PSMF1: variants seen among roughly 807,000 people sequenced by gnomAD.
The protein encoded by PSMF1 is proteasome inhibitor subunit 1.
In PSMF1, 30 loss-of-function variants were observed where a neutral mutation model predicts 29.3. The observed-to-expected ratio is 1.02, with a 90% confidence interval of 0.77 to 1.39. The LOEUF (loss-of-function observed/expected upper bound fraction) is 1.39. PSMF1 is among the 40% of genes most tolerant of loss of function. PSMF1 has a pLI of 0.00. For missense variants in PSMF1, 344 were observed against 357.5 expected (o/e 0.96, Z 0.31); for synonymous variants, 134 against 139.7 (o/e 0.96, Z 0.29).
At chr20:1,121,100 A>C (rs1480307828) in intron 1 of PSMF1, among the ~76,000 whole-genome samples, 1 of 152,098 alleles carries the variant, frequency 6.6e-6, no homozygotes, top group Non-Finnish European at 1.5e-5. Context: ...GATGAAATGT[A>C]CAGAAAGAAT....
At chr20:1,117,103 C>T (rs897736673), upstream of PSMF1, among the ~76,000 whole-genome samples, 7 of 152,098 alleles carry the variant, frequency 4.6e-5, no homozygotes, top group Middle Eastern at 3.2e-3. Context: ...AGTCAACTAG[C>T]TTTGCTGTTG....
intron 3 of PSMF1, among the ~76,000 whole-genome samples, chr20:1,131,032 C>T (rs930457200): frequency 1.3e-5 from 2 of 152,060 alleles, no homozygotes; most frequent in East Asian, 1.9e-4. Context: ...CAGAATGCTG[C>T]GCCTCTGAGG....
At chr20:1,139,263 G>A (rs750998622) in intron 4 of PSMF1, among the ~76,000 whole-genome samples, 13 of 152,186 alleles carry the variant, frequency 8.5e-5, no homozygotes, top group Admixed American at 1.3e-4. Flanking sequence ...AAAGCTCACA[G>A]CTGACATTCT....
intron 4 of PSMF1, among the ~76,000 whole-genome samples, chr20:1,156,888 G>T (rs944276054): frequency 2.0e-5 from 3 of 152,134 alleles, no homozygotes; most frequent in Non-Finnish European, 4.4e-5. Context: ...TCTAAAATAG[G>T]TTTCATAGTT....
At position 1,163,686 on chromosome 20, in the gene PSMF1, T is replaced by C. The variant is rs901316825; in HGVS notation, c.605+503T>C. On this transcript the variant is annotated intron_variant, in intron 5 of 6. Coordinates refer to ENST00000335877, the MANE Select transcript of PSMF1 (RefSeq NM_006814.5). This position sits in a 1 kb window ranked among gnomAD's most constrained non-coding sequence, Gnocchi z 6.1. Reference sequence around the variant, plus strand: ...ACTTCAGCATCTCATTTGTAGACAGTGGGGATATCACTTAAGTCTGCAGTG... The same window carrying C: ...ACTTCAGCATCTCATTTGTAGACAGCGGGGATATCACTTAAGTCTGCAGTG... 6.6e-6 allele frequency among the ~76,000 whole-genome samples: 1 copy of C among 152,128 alleles called. No individual in the cohort carries two copies. Among genetic ancestry groups the C allele is most frequent in the Non-Finnish European group, 1.5e-5 (1 of 68,018 alleles).
At chr20:1,130,751 C>G (rs1307629430) in intron 3 of PSMF1, among the ~76,000 whole-genome samples, 2 of 152,194 alleles carry the variant, frequency 1.3e-5, no homozygotes, top group Non-Finnish European at 2.9e-5. Context: ...TCAAGTGACC[C>G]TCCCACCTGA....
rs952434221 is a variant in PSMF1 at position 1,167,583 on chromosome 20, A to C, written c.*2503A>C. On this transcript the variant is annotated 3_prime_UTR_variant, in exon 7 of 7. Transcript: ENST00000335877. ...AAAGATTTTTTTTTTTTTTCTGGAC[A>C]GTTCTCATAAGTGGAATCACTCAGT... 13 of 151,058 alleles carry C rather than the reference A, an allele frequency of 8.6e-5. No individual in the cohort carries two copies. The highest frequency in any genetic ancestry group is 3.2e-4 in the African/African-American group (13 of 40,986). 9.4% of individuals were successfully genotyped at this position (151,058 alleles called of 1,614,324 possible).
intron 4 of PSMF1, chr20:1,160,664 T>C (rs2086655188): frequency 5.9e-6 from 3 of 505,694 alleles, no homozygotes; most frequent in South Asian, 4.5e-5. Flanking sequence ...ACGACGCCCC[T>C]GGAACCATGT....
At chr20:1,116,632 G>T (rs1334052073), upstream of PSMF1, among the ~76,000 whole-genome samples, 2 of 152,196 alleles carry the variant, frequency 1.3e-5, no homozygotes, top group East Asian at 3.8e-4. Context: ...AGTATAGATT[G>T]ATCCCAGAAG....
intron 3 of PSMF1, among the ~76,000 whole-genome samples, chr20:1,132,960 G>T (rs2086249399): frequency 8.8e-6 from 1 of 113,516 alleles, no homozygotes. Flanking sequence ...AGGTGTTTAG[G>T]GTTTTTTTGT....
chr20:1,130,129 G>A (rs2284374), intron 3 of PSMF1, among the ~76,000 whole-genome samples: 32,152 of 152,156 alleles, frequency 0.21, 3,602 homozygotes, highest in South Asian at 0.27. Flanking sequence ...CAAATTTGTA[G>A]AGACAGACAG....
chr20:1,145,784 GAGA>G (rs1302243123), intron 4 of PSMF1, among the ~76,000 whole-genome samples: 1 of 152,164 alleles, frequency 6.6e-6, no homozygotes, highest in South Asian at 2.1e-4. Context: ...CCCAGAAAAT[GAGA>G]AGGATACCAG....
At chr20:1,161,585 GT>G in intron 4 of PSMF1, 1 of 640,956 alleles carries the variant, frequency 1.6e-6, no homozygotes, top group Non-Finnish European at 2.9e-6. Context: ...CAAGTACTCC[GT>G]GTGGATCAGC....
At chr20:1,128,362 T>C (rs985641670) in intron 3 of PSMF1, among the ~76,000 whole-genome samples, 4 of 152,242 alleles carry the variant, frequency 2.6e-5, no homozygotes, top group South Asian at 2.1e-4. Context: ...TCTTATTCCA[T>C]ACTTATATCT....
At chr20:1,156,991 C>G (rs1419338383) in intron 4 of PSMF1, among the ~76,000 whole-genome samples, 1 of 152,146 alleles carries the variant, frequency 6.6e-6, no homozygotes, top group Admixed American at 6.5e-5. Context: ...TATACGATCA[C>G]AAGGTCCCAC....
At chr20:1,136,399 T>A (rs1387881475) in intron 4 of PSMF1, among the ~76,000 whole-genome samples, 1 of 152,184 alleles carries the variant, frequency 6.6e-6, no homozygotes, top group African/African-American at 2.4e-5. Context: ...GATTTAAGAA[T>A]AAGCCCTGGT....
At position 1,125,518 on chromosome 20, in the gene PSMF1, G is replaced by A. The variant is rs1381467756; in HGVS notation, c.150G>A (p.Lys50=). ...CCCAGCCGGGTCCCAATGATAAGAA[G>A]TCAGAACTGCTGCCAGCTGGGTGGA... ...VGDQPGPNDK[K]SELLPAGWNN... Residue 50 remains lysine, a synonymous_variant, in exon 2 of 7, where the codon AAG becomes AAA. Coordinates refer to ENST00000335877, the MANE Select transcript of PSMF1 (RefSeq NM_006814.5). 1.2e-6 allele frequency: 2 copies of A among 1,611,726 alleles called. No homozygotes were observed. The highest frequency in any genetic ancestry group is 8.5e-7 in the Non-Finnish European group (1 of 1,178,806).
rs2086721064 is a variant in PSMF1 at position 1,165,688 on chromosome 20, A to G, written c.*608A>G. The G allele has an allele frequency of 1.0e-6, 1 of 999,636 alleles. No individual in the cohort carries two copies. Among genetic ancestry groups the G allele is most frequent in the South Asian group, 4.4e-5 (1 of 22,902 alleles). The allele number at this position is 999,636 out of a possible 1,614,324, so 61.9% of individuals were successfully genotyped here. A position where few individuals can be genotyped will look rare whatever the true frequency, so the allele number is the denominator to read the frequency against. On this transcript the variant is annotated 3_prime_UTR_variant, in exon 7 of 7. Transcript: ENST00000335877. ...ATGGAAATGAGTGACTGGAAATCCC[A>G]TAGGCCACAAGAATGACTTTCACAA...
At chr20:1,127,152 G>A (rs2086168298) in intron 2 of PSMF1, among the ~76,000 whole-genome samples, 1 of 152,172 alleles carries the variant, frequency 6.6e-6, no homozygotes, top group Non-Finnish European at 1.5e-5. Context: ...CAAAGTTGAT[G>A]CATCAGTTCA....
Sources: gnomAD v4.1 joint callset for allele counts (sites outside exome capture counted in the v4.1 genomes callset) on GRCh38, gnomAD v4.1.1 for gene constraint, Gnocchi (gnomAD v3.1) non-coding constraint, MANE v1.5 for transcripts, NCBI Gene and HGNC (gene_info 2026-07-23, HGNC 2026-07-21) for gene names.